Variants in PPP2R1A observed in about 807,000 individuals in gnomAD.
PPP2R1A encodes the protein serine/threonine-protein phosphatase 2A 65 kDa regulatory subunit A alpha isoform.
PPP2R1A carries 15 observed loss-of-function variants against 67.1 expected under a neutral mutation model. That is an observed-to-expected ratio of 0.22 (90% CI 0.15 to 0.34). The LOEUF (loss-of-function observed/expected upper bound fraction) is 0.34, where lower values mean the gene tolerates loss of function less well. Ranked by LOEUF, PPP2R1A falls within the 10% of genes least tolerant of loss-of-function variation. The pLI is 1.00. For synonymous variants in PPP2R1A, 337 were observed against 325.0 expected (o/e 1.04, Z -0.40); for missense variants, 369 against 775.0 (o/e 0.48, Z 6.22).
intron 3 of PPP2R1A, among the ~76,000 whole-genome samples, chr19:52,206,267 A>C (rs2089601290): frequency 6.6e-6 from 1 of 152,232 alleles, no homozygotes. Context: ...CTTTCTGTTT[A>C]GTGGTCAGGT....
intron 13 of PPP2R1A, among the ~76,000 whole-genome samples, chr19:52,222,733 C>T (rs759599647): frequency 6.6e-6 from 1 of 152,154 alleles, no homozygotes; most frequent in Non-Finnish European, 1.5e-5. Context: ...AAAAATTAGC[C>T]GGTGCGGTAG....
intron 1 of PPP2R1A, chr19:52,201,083 C>T (rs1219240402): frequency 6.6e-6 from 1 of 151,428 alleles, no homozygotes; most frequent in Non-Finnish European, 1.5e-5. Flanking sequence ...ACACACTTAA[C>T]TACGTCTGCA....
chr19:52,206,464 A>ACAG (rs2089603248), intron 3 of PPP2R1A, among the ~76,000 whole-genome samples: 1 of 152,202 alleles, frequency 6.6e-6, no homozygotes, highest in Non-Finnish European at 1.5e-5. Context: ...GAGCCCTAGC[A>ACAG]CAGTACTTGG....
chr19:52,190,213 G>T, intron 1 of PPP2R1A, 39 bp downstream of exon 1: 3 of 1,541,028 alleles, frequency 1.9e-6, no homozygotes, highest in Non-Finnish European at 1.8e-6. Context: ...GACGCGGAGG[G>T]GTACCTGGGG....
At chr19:52,194,980 C>G (rs1275522372) in intron 1 of PPP2R1A, among the ~76,000 whole-genome samples, 1 of 152,144 alleles carries the variant, frequency 6.6e-6, no homozygotes, top group Non-Finnish European at 1.5e-5. Context: ...GCAGTTGTGA[C>G]AAGCCAGGCC....
chr19:52,224,608 A>G (rs1471510644), intron 13 of PPP2R1A, among the ~76,000 whole-genome samples: 3 of 152,170 alleles, frequency 2.0e-5, no homozygotes, highest in African/African-American at 7.2e-5. Flanking sequence ...CCACTTTCCC[A>G]GCCTGCTCTG....
chr19:52,209,248 T>C (rs2089639639), intron 3 of PPP2R1A, among the ~76,000 whole-genome samples: 1 of 142,488 alleles, frequency 7.0e-6, no homozygotes, highest in Non-Finnish European at 1.6e-5. Flanking sequence ...TTGGCAAGTG[T>C]TGATTGAGTA....
At chr19:52,210,692 C>A (rs1392342200) in intron 3 of PPP2R1A, among the ~76,000 whole-genome samples, 1 of 152,046 alleles carries the variant, frequency 6.6e-6, no homozygotes, top group African/African-American at 2.4e-5. Context: ...CGGGGTTTCA[C>A]CATATTGGCC....
Position 52,215,817 on chromosome 19 carries a change from C to G in PPP2R1A, c.846C>G (p.Asp282Glu). The G allele has an allele frequency of 6.2e-7, 1 of 1,614,048 alleles. No individual in the cohort carries two copies. The highest frequency in any genetic ancestry group is 8.5e-7 in the Non-Finnish European group (1 of 1,179,940). Reference protein sequence around the residue: ...KAVGPEITKTDLVPAFQNLMK... With the variant: ...KAVGPEITKTELVPAFQNLMK... ...TGGGGCCTGAGATCACCAAGACAGA[C>G]CTGGTCCCTGCCTTCCAGAACCTGA... The change falls in exon 7 of 15, where the codon GAC becomes GAG. Residue 282 changes from aspartate (D) to glutamate (E), a missense_variant. This residue lies in a region of PPP2R1A where 276 missense variants were observed against 508.4 expected (regional missense o/e 0.54). Transcript: ENST00000322088.
chr19:52,202,139 G>A, intron 2 of PPP2R1A, 105 bp downstream of exon 2: 1 of 981,694 alleles, frequency 1.0e-6, no homozygotes, highest in Non-Finnish European at 1.6e-6. Context: ...GTGAATATCT[G>A]CCCTGTGTTA....
chr19:52,221,928 G>A lies in PPP2R1A; in HGVS notation c.1519-171G>A, dbSNP rs555988661. 1.0e-4 allele frequency: 61 copies of A among 610,304 alleles called. No homozygotes were observed. In the African/African-American group the frequency reaches 1.1e-3, roughly 11 times the overall value. 37.8% of individuals were successfully genotyped at this position (610,304 alleles called of 1,614,324 possible). On this transcript the variant is annotated intron_variant, in intron 12 of 14. Transcript: ENST00000322088. ...GAGGACAGAGAAACTGGGACATGGT[G>A]TTAGGATGGTGTTAGTGGAGTTGGG...
chr19:52,216,606 C>T lies in PPP2R1A; in HGVS notation c.1071C>T (p.Gly357=). Residue 357 remains glycine, a synonymous_variant, in exon 9 of 15, where the codon GGC becomes GGT. Coordinates refer to ENST00000322088, the MANE Select transcript of PPP2R1A (RefSeq NM_014225.6). The surrounding 1 kb of genome is among the most constrained non-coding windows in gnomAD (Gnocchi z 4.3). ...SVIMGLSPIL[G]KDNTIEHLLP... is the part of the protein sequence containing the mutation. Reference sequence around the variant, plus strand: ...TCATGGGTCTCTCTCCCATCTTGGGCAAAGACAACACCATCGAGCACCTCT... The same window carrying T: ...TCATGGGTCTCTCTCCCATCTTGGGTAAAGACAACACCATCGAGCACCTCT... 3 of 1,614,170 alleles carry T rather than the reference C, an allele frequency of 1.9e-6. No individual in the cohort carries two copies. The highest frequency in any genetic ancestry group is 2.5e-6 in the Non-Finnish European group (3 of 1,180,042).
intron 1 of PPP2R1A, chr19:52,191,153 G>C (rs1055851428): frequency 6.6e-6 from 1 of 152,354 alleles, no homozygotes; most frequent in African/African-American, 2.4e-5. Context: ...GAGCCACCGC[G>C]CCCAGCCCGG....
In PPP2R1A at chr19:52,216,856, C is replaced by G. The variant is rs1978604249; in HGVS notation, c.1128+193C>G. On this transcript the variant is annotated intron_variant, in intron 9 of 14. Transcript: ENST00000322088. The surrounding 1 kb of genome is among the most constrained non-coding windows in gnomAD (Gnocchi z 4.3). Reference sequence around the variant, plus strand: ...TTCCTCCAGGCACTCTTCATGAGGCCTTTCCTGGACATGGAGGATATGAAA... The same window carrying G: ...TTCCTCCAGGCACTCTTCATGAGGCGTTTCCTGGACATGGAGGATATGAAA... Among the ~76,000 whole-genome samples, 1 of 152,156 alleles carries G rather than the reference C, an allele frequency of 6.6e-6. No homozygotes were observed. The highest frequency in any genetic ancestry group is 1.5e-5 in the Non-Finnish European group (1 of 68,040).
chr19:52,190,379 G>T (rs530269070), intron 1 of PPP2R1A: 1 of 641,006 alleles, frequency 1.6e-6, no homozygotes, highest in Non-Finnish European at 2.7e-6. Flanking sequence ...GCGGGGGCCA[G>T]CGCTAGCCTC....
At chr19:52,220,393 G>A (rs1017752745) in intron 11 of PPP2R1A, 144 bp downstream of exon 11, 10 of 881,886 alleles carry the variant, frequency 1.1e-5, no homozygotes, top group African/African-American at 9.9e-5. Context: ...TCGCATGCTT[G>A]TTAGAGTCCT....
chr19:52,227,339 A>G lies in PPP2R1A; in HGVS notation c.*1358A>G. The G allele has an allele frequency of 6.6e-6, 1 of 152,368 alleles. No homozygotes were observed. Among genetic ancestry groups the G allele is most frequent in the Non-Finnish European group, 1.5e-5 (1 of 68,096 alleles). 9.4% of individuals were successfully genotyped at this position (152,368 alleles called of 1,614,324 possible). On this transcript the variant is annotated 3_prime_UTR_variant, in exon 15 of 15. Transcript: ENST00000322088. ...AAAATGATCTTAGGCGTGAAGGTCAAGTAAGGCAGGACAAGAGAGAAGGAG... is the reference window on the plus strand; with the variant it reads ...AAAATGATCTTAGGCGTGAAGGTCAGGTAAGGCAGGACAAGAGAGAAGGAG...
rs1327466753 is a variant in PPP2R1A at position 52,227,831 on chromosome 19, CATT to C, written c.*1852_*1854del. On this transcript the variant is annotated 3_prime_UTR_variant, in exon 15 of 15. Coordinates refer to ENST00000322088, the MANE Select transcript of PPP2R1A (RefSeq NM_014225.6). ...CGTGTAACCAAACGTCAAAGTCTGA[CATT>C]AAACTTTGACTTTCCCCATGGTTAA... 6.6e-6 allele frequency: 1 copy of C among 152,170 alleles called. No homozygotes were observed. Among genetic ancestry groups the C allele is most frequent in the African/African-American group, 2.4e-5 (1 of 41,426 alleles). 9.4% of individuals were successfully genotyped at this position (152,170 alleles called of 1,614,324 possible). A position where few individuals can be genotyped will look rare whatever the true frequency, so the allele number is the denominator to read the frequency against.
chr19:52,204,370 G>A (rs1336020189), intron 2 of PPP2R1A, among the ~76,000 whole-genome samples: 1 of 152,148 alleles, frequency 6.6e-6, no homozygotes, highest in Non-Finnish European at 1.5e-5. Flanking sequence ...TGGTGTAGGG[G>A]CAAAGGTGGA....
Sources: gnomAD v4.1 joint callset for allele counts (sites outside exome capture counted in the v4.1 genomes callset) on GRCh38, gnomAD v4.1.1 for gene constraint, gnomAD v4.1.1 regional missense constraint, Gnocchi (gnomAD v3.1) non-coding constraint, MANE v1.5 for transcripts, NCBI Gene and HGNC (gene_info 2026-07-23, HGNC 2026-07-21) for gene names.